KCNH3: variants seen among roughly 807,000 people sequenced by gnomAD.
KCNH3 encodes the protein potassium voltage-gated channel subfamily H member 3, also known as voltage-gated inwardly rectifying potassium channel KCNH3.
In KCNH3, 36 loss-of-function variants were observed where a neutral mutation model predicts 95.6. The observed-to-expected ratio is 0.38, with a 90% CI of 0.29 to 0.50. The LOEUF (loss-of-function observed/expected upper bound fraction) is 0.50. KCNH3 is among the 20% of genes least tolerant of loss of function. The pLI is 0.95. For synonymous variants in KCNH3, 620 were observed against 646.3 expected (o/e 0.96, Z 0.62); for missense variants, 1,030 against 1,484.1 (o/e 0.69, Z 5.03).
rs765397829 is a variant in KCNH3 at position 49,554,384 on chromosome 12, G to A, written c.1966G>A (p.Val656Ile). The change falls in exon 11 of 15, where the codon GTA becomes ATA. Residue 656 changes from valine (V) to isoleucine (I), a missense_variant. Val to Ile is a conservative substitution (Grantham distance 29). This residue lies in a region of KCNH3 where 160 missense variants were observed against 316.2 expected (regional missense o/e 0.51). Coordinates refer to ENST00000257981, the MANE Select transcript of KCNH3 (RefSeq NM_012284.3). ...GCELPRREQV[V>I]KANADVKGLT... ...TGAGCTGCCCCGGCGGGAGCAGGTG[G>A]TAAAGGCCAATGCCGACGTGAAGGG... 6.2e-7 allele frequency: 1 copy of A among 1,613,308 alleles called. No individual in the cohort carries two copies. Among genetic ancestry groups the A allele is most frequent in the Non-Finnish European group, 8.5e-7 (1 of 1,180,032 alleles).
At chr12:49,554,591 G>A in intron 11 of KCNH3, 37 bp downstream of exon 11, 1 of 1,556,606 alleles carries the variant, frequency 6.4e-7, no homozygotes, top group Non-Finnish European at 8.8e-7. Flanking sequence ...GGGGATGGGG[G>A]TGCCAGGGAG....
chr12:49,543,878 C>G (rs748165905), intron 5 of KCNH3, 37 bp from the exon 6 acceptor site: 4 of 1,581,844 alleles, frequency 2.5e-6, no homozygotes, highest in East Asian at 2.3e-5. Context: ...GCTGCCCCCC[C>G]AGCCCCAGTG....
intron 14 of KCNH3, 32 bp downstream of exon 14, chr12:49,557,291 G>T: frequency 1.2e-6 from 2 of 1,613,668 alleles, no homozygotes; most frequent in Non-Finnish European, 1.7e-6. Flanking sequence ...GGTGAGGGGG[G>T]CACCAGGGGA....
At chr12:49,555,990 G>A (rs776268269) in intron 12 of KCNH3, 39 bp downstream of exon 12, 3 of 1,011,674 alleles carry the variant, frequency 3.0e-6, no homozygotes, top group Non-Finnish European at 4.4e-6. Context: ...AGATGGTGGT[G>A]ATGAGGCTGA....
intron 2 of KCNH3, 82 bp downstream of exon 2, chr12:49,541,214 T>C: frequency 2.0e-6 from 2 of 1,016,506 alleles, no homozygotes; most frequent in Non-Finnish European, 2.9e-6. Context: ...TCCCTCCTCC[T>C]TTCTGTTGCC....
In KCNH3 at chr12:49,544,202, G is replaced by GTGCGCCTGC. The variant is rs767430415; in HGVS notation, c.1029_1037dup (p.Arg344_Leu346dup). 9.5e-6 allele frequency: 15 copies of GTGCGCCTGC among 1,580,030 alleles called. No homozygotes were observed. Among genetic ancestry groups the GTGCGCCTGC allele is most frequent in the Admixed American group, 3.5e-5 (2 of 56,496 alleles). ...CTTCGGGGCCCATCTGCTGAAGACG[G>GTGCGCCTGC]TGCGCCTGCTGCGCCTGCTGCGCCT... On this transcript the variant is annotated inframe_insertion, in exon 7 of 15. Transcript: ENST00000257981.
Position 49,542,723 on chromosome 12 carries a change from T to C in KCNH3, c.463T>C (p.Tyr155His), listed in dbSNP as rs748838151. ...TTTCGCAGGTGGTGGCCGGCGCCGA[T>C]ATGGCCGGGCACGATCCAAAGGCTT... ...WKETGGGRRR[Y>H]GRARSKGFNA... The change falls in exon 4 of 15, where the codon TAT (tyrosine) becomes CAT (histidine). Residue 155 changes from tyrosine (Y) to histidine (H), a missense_variant. Physicochemically the swap from Tyr to His is moderately conservative, Grantham distance 83. This residue lies in a region of KCNH3 where 92 missense variants were observed against 92.7 expected (regional missense o/e 0.99). Coordinates refer to ENST00000257981, the MANE Select transcript of KCNH3 (RefSeq NM_012284.3). 2 of 1,582,162 alleles carry C rather than the reference T, an allele frequency of 1.3e-6. No homozygotes were observed. Among genetic ancestry groups the C allele is most frequent in the Non-Finnish European group, 1.7e-6 (2 of 1,165,020 alleles).
At chr12:49,543,762 ATGATGTCTACC>A (rs1937954839) in intron 5 of KCNH3, 142 bp from the exon 6 acceptor site, 6 of 1,132,890 alleles carry the variant, frequency 5.3e-6, no homozygotes, top group South Asian at 4.7e-5. Context: ...AATAGGCAAA[ATGATGTCTACC>A]TGTTACAGTT....
At position 49,541,613 on chromosome 12, in the gene KCNH3, T is replaced by A. The variant is rs1421371963; in HGVS notation, c.311-17T>A. 2 of 1,613,422 alleles carry A rather than the reference T, an allele frequency of 1.2e-6. No individual in the cohort carries two copies. The highest frequency in any genetic ancestry group is 1.7e-6 in the Non-Finnish European group (2 of 1,179,786). ...TGCTGAGAATAGGAGGTGGGCTGAG[T>A]TTGTTTTTGTGCCCAGGGCTCCCGT... is the stretch of plus-strand genomic sequence containing the variant. On this transcript the variant is annotated splice_polypyrimidine_tract_variant and intron_variant, in intron 2 of 14. Coordinates refer to ENST00000257981, the MANE Select transcript of KCNH3 (RefSeq NM_012284.3).
chr12:49,556,392 G>A lies in KCNH3; in HGVS notation c.2491G>A (p.Gly831Ser), dbSNP rs749608521. The A allele has an allele frequency of 3.7e-6, 6 of 1,613,696 alleles. No individual in the cohort carries two copies. The highest frequency in any genetic ancestry group is 2.2e-5 in the East Asian group (1 of 44,866). ...SPRVVDGIED[G>S]CGSDQPKFSF... is the part of the protein sequence containing the mutation. ...CAGGGTAGTAGATGGCATTGAAGAC[G>A]GCTGTGGCTCGGACCAGCCCAAGTT... Residue 831 changes from glycine to serine, a missense_variant, in exon 13 of 15, where the codon GGC becomes AGC. By Grantham distance (56) the Gly-to-Ser change is moderately conservative (BLOSUM62 0). Around this residue, in one of 9 missense-constraint regions of KCNH3, gnomAD observed 464 missense variants for 493.2 expected, o/e 0.94. Coordinates refer to ENST00000257981, the MANE Select transcript of KCNH3 (RefSeq NM_012284.3).
At chr12:49,554,582 G>C (rs747030104) in intron 11 of KCNH3, 28 bp downstream of exon 11, 1 of 1,579,802 alleles carries the variant, frequency 6.3e-7, no homozygotes, top group African/African-American at 1.3e-5. Context: ...GTGCTTGGAG[G>C]GGATGGGGGT....
At chr12:49,553,819 C>A (rs187347882) in intron 10 of KCNH3, among the ~76,000 whole-genome samples, 94 of 152,338 alleles carry the variant, frequency 6.2e-4, no homozygotes, top group African/African-American at 2.2e-3. Flanking sequence ...GGCTGCCTGG[C>A]ATTTTCCCTA....
At position 49,557,815 on chromosome 12, in the gene KCNH3, T is replaced by C; in HGVS notation, c.3114T>C (p.Ala1038=). 6.2e-7 allele frequency: 1 copy of C among 1,604,458 alleles called. No homozygotes were observed. Among genetic ancestry groups the C allele is most frequent in the Admixed American group, 1.7e-5 (1 of 59,424 alleles). ...GPAEPVSQAE[A]TSTGEPPPGS... is the part of the protein sequence containing the mutation. The stretch of plus-strand genomic sequence containing the variant: ...CAGAGCCTGTGAGCCAGGCTGAGGC[T>C]ACCAGCACTGGAGAGCCCCCACCAG... The change falls in exon 15 of 15, where the codon GCT becomes GCC. Residue 1038 remains alanine, a synonymous_variant. Transcript: ENST00000257981.
chr12:49,553,539 C>T (rs141984272), intron 10 of KCNH3, among the ~76,000 whole-genome samples: 10 of 152,276 alleles, frequency 6.6e-5, no homozygotes, highest in African/African-American at 2.4e-4. Context: ...CTAATTTAGC[C>T]TCAACATGTC....
Position 49,557,990 on chromosome 12 carries a change from G to A in KCNH3, c.*37G>A, listed in dbSNP as rs749867921. ...AGAACTCAGCGTTGCCAGGTGTGCT[G>A]CCATCTGCTGTTCGGCCCAACCTCA... On this transcript the variant is annotated 3_prime_UTR_variant, in exon 15 of 15. Coordinates refer to ENST00000257981, the MANE Select transcript of KCNH3 (RefSeq NM_012284.3). The A allele has an allele frequency of 6.9e-7, 1 of 1,443,242 alleles. No individual in the cohort carries two copies. Among genetic ancestry groups the A allele is most frequent in the Non-Finnish European group, 9.1e-7 (1 of 1,094,594 alleles). The allele number at this position is 1,443,242 out of a possible 1,614,324, so 89.4% of individuals were successfully genotyped here. A position where few individuals can be genotyped will look rare whatever the true frequency, so the allele number is the denominator to read the frequency against.
chr12:49,550,043 T>TGCCCCCCCCCCCCCCC, intron 9 of KCNH3, 37 bp from the exon 10 acceptor site: 1 of 1,299,542 alleles, frequency 7.7e-7, no homozygotes, highest in Non-Finnish European at 1.1e-6. Flanking sequence ...CTTCTGCCAC[T>TGCCCCCCCCCCCCCCC]CCCAACCCCC....
chr12:49,553,558 GAC>G (rs983683121), intron 10 of KCNH3, among the ~76,000 whole-genome samples: 4 of 152,180 alleles, frequency 2.6e-5, no homozygotes, highest in African/African-American at 9.7e-5. Context: ...TCCCTGGACA[GAC>G]ACACCCTATT....
Position 49,544,202 on chromosome 12 carries a change from GTGCGCCTGCTGCGCCTGC to G in KCNH3, c.1020_1037del (p.Arg341_Leu346del). 6.3e-7 allele frequency: 1 copy of G among 1,580,138 alleles called. No homozygotes were observed. On this transcript the variant is annotated inframe_deletion, in exon 7 of 15. Coordinates refer to ENST00000257981, the MANE Select transcript of KCNH3 (RefSeq NM_012284.3). ...CTTCGGGGCCCATCTGCTGAAGACG[GTGCGCCTGCTGCGCCTGC>G]TGCGCCTGCTTCCGCGGCTGGACCG...
At chr12:49,549,275 G>A (rs1592504704) in intron 8 of KCNH3, 102 bp downstream of exon 8, 3 of 1,472,672 alleles carry the variant, frequency 2.0e-6, no homozygotes, top group East Asian at 4.6e-5. Context: ...GGGCTCTTCC[G>A]CTTTAGGTGG....
Sources: gnomAD v4.1 joint callset for allele counts (sites outside exome capture counted in the v4.1 genomes callset) on GRCh38, gnomAD v4.1.1 for gene constraint, gnomAD v4.1.1 regional missense constraint, MANE v1.5 for transcripts, NCBI Gene and HGNC (gene_info 2026-07-23, HGNC 2026-07-21) for gene names.